VPS13B: variants seen among roughly 807,000 people sequenced by gnomAD.
The protein encoded by VPS13B is intermembrane lipid transfer protein VPS13B.
VPS13B carries 285 observed loss-of-function variants against 426.4 expected under a neutral mutation model. The ratio of observed to expected loss-of-function variants is 0.67; its 90% CI spans 0.61 to 0.74. The LOEUF (loss-of-function observed/expected upper bound fraction) is 0.74. Ranked by LOEUF, VPS13B falls within the 30% of genes least tolerant of loss-of-function variation. VPS13B has a pLI of 0.00. For synonymous variants in VPS13B, 1,676 were observed against 1,676.4 expected, an observed-to-expected ratio of 1.00 and a Z score of 0.01; for missense variants, 4,537 against 4,782.6, an observed-to-expected ratio of 0.95 and a Z score of 1.51.
chr8:99,171,142 C>A (rs935333460), intron 16 of VPS13B, among the ~76,000 whole-genome samples: 1 of 151,728 alleles, frequency 6.6e-6, no homozygotes, highest in Non-Finnish European at 1.5e-5. Flanking sequence ...TAAAGTGAAA[C>A]CATTATTAAA....
At chr8:99,671,621 C>T (rs1018461265) in intron 35 of VPS13B, among the ~76,000 whole-genome samples, 1 of 151,984 alleles carries the variant, frequency 6.6e-6, no homozygotes, top group African/African-American at 2.4e-5. Flanking sequence ...ACATTTAAGT[C>T]TTCAATCTAT....
chr8:99,304,881 C>G (rs1196120451), intron 19 of VPS13B, among the ~76,000 whole-genome samples: 2 of 152,046 alleles, frequency 1.3e-5, no homozygotes, highest in African/African-American at 2.4e-5. Flanking sequence ...TGCCCCCCTC[C>G]CAATGTTTTC....
At chr8:99,807,548 C>A (rs1979115) in intron 43 of VPS13B, among the ~76,000 whole-genome samples, 10,249 of 151,938 alleles carry the variant, frequency 0.067, 516 homozygotes, top group African/African-American at 0.14. Flanking sequence ...AAAGGGTTCC[C>A]AACACTGCTA....
intron 17 of VPS13B, among the ~76,000 whole-genome samples, chr8:99,253,297 C>T (rs2132927955): frequency 6.6e-6 from 1 of 152,126 alleles, no homozygotes; most frequent in Non-Finnish European, 1.5e-5. Flanking sequence ...GTTTTATGAA[C>T]ATTCTTATAT....
At chr8:99,860,174 T>C (rs1215897150) in intron 57 of VPS13B, among the ~76,000 whole-genome samples, 1 of 152,200 alleles carries the variant, frequency 6.6e-6, no homozygotes, top group African/African-American at 2.4e-5. Context: ...CATCTGACTA[T>C]AGGCCATAGG....
chr8:99,098,244 C>T (rs1356105867), intron 4 of VPS13B, among the ~76,000 whole-genome samples: 4 of 152,104 alleles, frequency 2.6e-5, no homozygotes, highest in Non-Finnish European at 5.9e-5. Flanking sequence ...TGGCTTCAGT[C>T]ACTGGGAAAG....
chr8:99,531,942 A>G lies in VPS13B; in HGVS notation c.4745+10932A>G, dbSNP rs1251623070. On this transcript the variant is annotated intron_variant, in intron 30 of 61. Coordinates refer to ENST00000357162, the MANE Select transcript of VPS13B (RefSeq NM_152564.5). ...TAAAATAGTGATTGTAACATAATTT[A>G]CCTCATACTTTTTTCAAGAGTATTT... 2.0e-5 allele frequency among the ~76,000 whole-genome samples: 3 copies of G among 152,104 alleles called. No individual in the cohort carries two copies. In the East Asian group the frequency reaches 5.8e-4, roughly 29 times the overall value.
intron 25 of VPS13B, among the ~76,000 whole-genome samples, chr8:99,486,683 A>T (rs1178559439): frequency 2.0e-5 from 3 of 152,080 alleles, no homozygotes; most frequent in Admixed American, 2.0e-4. Context: ...CCCAGTTCAG[A>T]CTCTACACTA....
rs1180195483 is a variant in VPS13B, at chr8:99,163,055, A to C, written c.2208+6312A>C. On this transcript the variant is annotated intron_variant, in intron 15 of 61. Transcript: ENST00000357162. ...CCAGAGCGGCTAGATACAGAGTGTC[A>C]ATTGGTGCATTCACAAACCTTGAGC... Among the ~76,000 whole-genome samples, 5 of 151,894 alleles carry C rather than the reference A, an allele frequency of 3.3e-5. No homozygotes were observed. In the East Asian group the frequency reaches 9.7e-4, roughly 30 times the overall value.
chr8:99,083,769 G>T (rs547136665), intron 3 of VPS13B, among the ~76,000 whole-genome samples: 1 of 131,250 alleles, frequency 7.6e-6, no homozygotes, highest in East Asian at 2.1e-4. Context: ...TTATTGATTT[G>T]CGTATGTTGA....
At chr8:99,450,159 G>A (rs977487896) in intron 23 of VPS13B, among the ~76,000 whole-genome samples, 4 of 152,026 alleles carry the variant, frequency 2.6e-5, no homozygotes, top group African/African-American at 7.2e-5. Context: ...AGGAAATGAA[G>A]AACTAATTTA....
At chr8:99,491,901 C>CTGG (rs1270604999) in intron 25 of VPS13B, among the ~76,000 whole-genome samples, 6 of 152,150 alleles carry the variant, frequency 3.9e-5, no homozygotes, top group Non-Finnish European at 7.3e-5. Flanking sequence ...AGTTTTGTTC[C>CTGG]ATTGCTGGCG....
At chr8:99,731,965 A>G (rs931968648) in intron 39 of VPS13B, among the ~76,000 whole-genome samples, 1 of 152,162 alleles carries the variant, frequency 6.6e-6, no homozygotes, top group African/African-American at 2.4e-5. Flanking sequence ...AGGATCTGAA[A>G]AGTTAAATGG....
At chr8:99,475,522 T>C (rs935895217) in intron 24 of VPS13B, among the ~76,000 whole-genome samples, 3 of 152,234 alleles carry the variant, frequency 2.0e-5, no homozygotes, top group African/African-American at 4.8e-5. Flanking sequence ...TAAAATTTTC[T>C]TTACTTTGAG....
intron 14 of VPS13B, among the ~76,000 whole-genome samples, chr8:99,148,363 CAA>C (rs34767546): frequency 1.8e-4 from 18 of 99,052 alleles, no homozygotes; most frequent in Admixed American, 2.2e-4. Context: ...GACCCTGTCT[CAA>C]AAAAAAAAAA....
chr8:99,474,042 T>A (rs1819553927), intron 24 of VPS13B, among the ~76,000 whole-genome samples: 1 of 152,150 alleles, frequency 6.6e-6, no homozygotes, highest in Admixed American at 6.5e-5. Context: ...AGACTCAAAT[T>A]GTTGATGGCT....
intron 34 of VPS13B, among the ~76,000 whole-genome samples, chr8:99,647,387 C>A (rs1412083907): frequency 1.3e-5 from 2 of 151,746 alleles, no homozygotes; most frequent in Non-Finnish European, 2.9e-5. Flanking sequence ...CATGGTTAAA[C>A]CCCGTCTCTA....
intron 35 of VPS13B, among the ~76,000 whole-genome samples, chr8:99,671,541 G>A (rs540912806): frequency 1.1e-4 from 17 of 152,194 alleles, no homozygotes; most frequent in South Asian, 2.1e-4. Flanking sequence ...GAAAATCACC[G>A]TCCAGACCAA....
intron 21 of VPS13B, among the ~76,000 whole-genome samples, chr8:99,407,078 A>T (rs1287876365): frequency 6.6e-6 from 1 of 152,170 alleles, no homozygotes; most frequent in Non-Finnish European, 1.5e-5. Context: ...TCTACCAGAG[A>T]TTCATTCTTA....
Sources: allele counts gnomAD v4.1 joint callset (sites outside exome capture counted in the v4.1 genomes callset), GRCh38; gene constraint gnomAD v4.1.1; transcripts MANE v1.5; gene names NCBI Gene and HGNC (gene_info 2026-07-23, HGNC 2026-07-21).